ARHGEF3: variants seen among roughly 807,000 people sequenced by gnomAD.
ARHGEF3 encodes 59.8 kDA protein.
ARHGEF3 carries 28 observed loss-of-function variants against 63.2 expected under a neutral mutation model. The observed-to-expected ratio is 0.44, with a 90% CI of 0.33 to 0.61. The LOEUF is 0.61. Among genes scored for constraint, ARHGEF3 ranks in the 20% least tolerant of loss-of-function variants. The probability of loss-of-function intolerance (pLI) is 0.03; values close to 1 mark genes in which losing one functional copy is unlikely to be tolerated. For missense variants in ARHGEF3, 533 were observed against 659.3 expected (o/e 0.81, Z 2.10); for synonymous variants, 266 against 254.2 (o/e 1.05, Z -0.44).
At chr3:57,018,447 T>C (rs1240844460) in intron 2 of ARHGEF3, among the ~76,000 whole-genome samples, 1 of 152,164 alleles carries the variant, frequency 6.6e-6, no homozygotes, top group Non-Finnish European at 1.5e-5. Context: ...GTAGGTCCTA[T>C]AATTAGCCTC....
At chr3:56,996,885 TTA>T (rs1204348270) in intron 2 of ARHGEF3, among the ~76,000 whole-genome samples, 1 of 106,374 alleles carries the variant, frequency 9.4e-6, no homozygotes, top group Non-Finnish European at 2.1e-5. Flanking sequence ...ATTATTATTA[TTA>T]TTATTTTTTT....
chr3:56,754,948 A>T, intron 3 of ARHGEF3, 33 bp downstream of exon 3: 1 of 1,613,688 alleles, frequency 6.2e-7, no homozygotes, highest in Non-Finnish European at 8.5e-7. Context: ...TTTGTTCCAG[A>T]CACACAGCCA....
intron 2 of ARHGEF3, among the ~76,000 whole-genome samples, chr3:56,770,672 G>A (rs2035958679): frequency 6.6e-6 from 1 of 152,030 alleles, no homozygotes; most frequent in African/African-American, 2.4e-5. Flanking sequence ...CTTGAGGGGT[G>A]TATTTCCATT....
intron 2 of ARHGEF3, among the ~76,000 whole-genome samples, chr3:57,009,228 T>C (rs1403718432): frequency 6.6e-6 from 1 of 152,166 alleles, no homozygotes; most frequent in Non-Finnish European, 1.5e-5. Context: ...AGCTGAACGC[T>C]CAAGAATGAA....
chr3:56,928,356 G>A (rs1190960340), intron 3 of ARHGEF3, among the ~76,000 whole-genome samples: 3 of 151,802 alleles, frequency 2.0e-5, no homozygotes, highest in Non-Finnish European at 4.4e-5. Context: ...TGGTCACAGA[G>A]CTTTTCAGTG....
chr3:56,898,691 G>A (rs9311628), intron 3 of ARHGEF3: 56 of 194,462 alleles, frequency 2.9e-4, no homozygotes, highest in African/African-American at 1.2e-3. Flanking sequence ...CCAATAAAGA[G>A]TATGGAGCCA....
chr3:56,892,331 T>C (rs1462203276), intron 3 of ARHGEF3, among the ~76,000 whole-genome samples: 2 of 152,204 alleles, frequency 1.3e-5, no homozygotes, highest in Non-Finnish European at 2.9e-5. Context: ...ACAGTGGATG[T>C]GACGCAAAGC....
intron 2 of ARHGEF3, among the ~76,000 whole-genome samples, chr3:56,968,794 A>G (rs774199517): frequency 6.6e-6 from 1 of 152,170 alleles, no homozygotes; most frequent in Non-Finnish European, 1.5e-5. Context: ...TCCAATGTGT[A>G]TTTTACACTT....
intron 2 of ARHGEF3, among the ~76,000 whole-genome samples, chr3:57,022,436 A>G (rs945259686): frequency 1.3e-5 from 2 of 151,272 alleles, no homozygotes; most frequent in East Asian, 3.9e-4. Flanking sequence ...TTTTGTCTCA[A>G]AAAAAAAAGT....
At chr3:56,822,509 T>C (rs940498655) in intron 4 of ARHGEF3, among the ~76,000 whole-genome samples, 2 of 152,178 alleles carry the variant, frequency 1.3e-5, no homozygotes, top group Admixed American at 1.3e-4. Flanking sequence ...CCTATATGTA[T>C]ATATATATGT....
chr3:56,925,864 G>A (rs2042261896), intron 3 of ARHGEF3, among the ~76,000 whole-genome samples: 2 of 152,170 alleles, frequency 1.3e-5, no homozygotes, highest in African/African-American at 4.8e-5. Context: ...GAGGCTGGTG[G>A]TCCAATCTCC....
chr3:56,879,320 G>A (rs554389969), intron 4 of ARHGEF3, among the ~76,000 whole-genome samples: 65 of 152,230 alleles, frequency 4.3e-4, no homozygotes, highest in African/African-American at 1.4e-3. Flanking sequence ...AATCAAAGGG[G>A]GACATAGTCT....
intron 4 of ARHGEF3, among the ~76,000 whole-genome samples, chr3:56,838,683 G>GTAATTTC (rs2039205530): frequency 6.6e-6 from 1 of 152,036 alleles, no homozygotes; most frequent in Non-Finnish European, 1.5e-5. Flanking sequence ...TAATGAGAGG[G>GTAATTTC]GAGCTAGAAA....
chr3:56,798,537 GTTTTT>G (rs368922829), intron 1 of ARHGEF3, among the ~76,000 whole-genome samples: 2 of 139,264 alleles, frequency 1.4e-5, no homozygotes, highest in African/African-American at 2.8e-5. Flanking sequence ...TCTTTACTTC[GTTTTT>G]TTTTTTTTTT....
At chr3:56,752,167 C>T (rs867009649) in intron 4 of ARHGEF3, among the ~76,000 whole-genome samples, 43 of 149,622 alleles carry the variant, frequency 2.9e-4, no homozygotes, top group Admixed American at 4.0e-4. Context: ...GTGATCTGCC[C>T]GCCTCGGCCT....
chr3:56,959,526 A>G (rs1700188050), intron 2 of ARHGEF3, among the ~76,000 whole-genome samples: 1 of 152,218 alleles, frequency 6.6e-6, no homozygotes, highest in Admixed American at 6.5e-5. Context: ...AGCTGCCAAT[A>G]TAACTACAGG....
intron 3 of ARHGEF3, among the ~76,000 whole-genome samples, chr3:56,946,378 GA>G (rs532405658): frequency 4.6e-5 from 7 of 151,872 alleles, no homozygotes; most frequent in Non-Finnish European, 1.0e-4. Flanking sequence ...TAAAAACCTT[GA>G]AAAAAAATTA....
chr3:56,777,268 TAGTC>T (rs1443604470), intron 1 of ARHGEF3, among the ~76,000 whole-genome samples: 1 of 152,180 alleles, frequency 6.6e-6, no homozygotes, highest in Non-Finnish European at 1.5e-5. Context: ...GTTCTTCATT[TAGTC>T]AGAGGACAAG....
At chr3:56,837,689 T>C (rs1397576623) in intron 4 of ARHGEF3, among the ~76,000 whole-genome samples, 1 of 152,152 alleles carries the variant, frequency 6.6e-6, no homozygotes, top group African/African-American at 2.4e-5. Flanking sequence ...CACAATAAAC[T>C]GCGGCAGGTC....
Sources: gnomAD v4.1 joint callset for allele counts (sites outside exome capture counted in the v4.1 genomes callset) on GRCh38, gnomAD v4.1.1 for gene constraint, MANE v1.5 for transcripts, NCBI Gene and HGNC (gene_info 2026-07-23, HGNC 2026-07-21) for gene names.